Variants in RBFOX1 observed in about 807,000 individuals in gnomAD.
The protein encoded by RBFOX1 is RNA binding protein fox-1 homolog 1.
Under a neutral mutation model 57.7 loss-of-function variants are expected in RBFOX1, and 8 were observed. The ratio of observed to expected loss-of-function variants is 0.14; its 90% CI spans 0.08 to 0.25. RBFOX1 has a LOEUF of 0.25. Among genes scored for constraint, RBFOX1 ranks in the 10% least tolerant of loss-of-function variants. The pLI is 1.00. For synonymous variants in RBFOX1, 326 were observed against 222.4 expected, an observed-to-expected ratio of 1.47 and a Z score of -4.15; for missense variants, 611 against 548.5, an observed-to-expected ratio of 1.11 and a Z score of -1.14.
intron 1 of RBFOX1, among the ~76,000 whole-genome samples, chr16:6,220,541 C>A (rs116426679): frequency 0.022 from 3,316 of 152,262 alleles, 125 homozygotes; most frequent in African/African-American, 0.076. Context: ...ATTAATATCT[C>A]TCAGTCAGTG....
intron 3 of RBFOX1, among the ~76,000 whole-genome samples, chr16:6,666,761 A>G (rs748213661): frequency 2.6e-5 from 4 of 152,126 alleles, no homozygotes; most frequent in African/African-American, 9.7e-5. Flanking sequence ...AGTTATTGCA[A>G]CAAAACCCTC....
At chr16:6,560,013 C>A (rs562645338) in intron 2 of RBFOX1, among the ~76,000 whole-genome samples, 1 of 152,160 alleles carries the variant, frequency 6.6e-6, no homozygotes, top group East Asian at 1.9e-4. Flanking sequence ...CATTGAGTTC[C>A]CGTAAAAATC....
chr16:6,721,694 C>CT (rs961601351), intron 3 of RBFOX1: 1 of 152,012 alleles, frequency 6.6e-6, no homozygotes, highest in African/African-American at 2.4e-5. Flanking sequence ...CAGCGTTTGT[C>CT]TTTTTGTGAC....
intron 3 of RBFOX1, among the ~76,000 whole-genome samples, chr16:6,923,789 T>A (rs949265155): frequency 1.3e-5 from 2 of 152,106 alleles, no homozygotes; most frequent in African/African-American, 4.8e-5. Flanking sequence ...TGGAGTCCAA[T>A]AAAGGATTTG....
At chr16:7,231,483 C>T (rs2093489289) in intron 4 of RBFOX1, among the ~76,000 whole-genome samples, 1 of 152,126 alleles carries the variant, frequency 6.6e-6, no homozygotes, top group Non-Finnish European at 1.5e-5. Context: ...AAGGCAGTTC[C>T]TCGGGAAGTT....
At chr16:7,682,457 G>C (rs1172621407) in intron 14 of RBFOX1, among the ~76,000 whole-genome samples, 1 of 150,468 alleles carries the variant, frequency 6.6e-6, no homozygotes, top group Non-Finnish European at 1.5e-5. Context: ...TTGAGTCTAG[G>C]CTGTGGAATC....
intron 4 of RBFOX1, among the ~76,000 whole-genome samples, chr16:7,430,475 C>T (rs1048406068): frequency 3.3e-5 from 5 of 152,020 alleles, no homozygotes; most frequent in Admixed American, 1.3e-4. Flanking sequence ...TCCTGGCTAA[C>T]AAGGTGAAAC....
At chr16:6,775,828 C>T (rs1333900659) in intron 3 of RBFOX1, 1 of 152,176 alleles carries the variant, frequency 6.6e-6, no homozygotes, top group Non-Finnish European at 1.5e-5. Flanking sequence ...ATCCATGTGT[C>T]TTATGAAAAT....
chr16:6,258,355 A>T (rs1235283112), intron 1 of RBFOX1, among the ~76,000 whole-genome samples: 1 of 152,194 alleles, frequency 6.6e-6, no homozygotes, highest in Non-Finnish European at 1.5e-5. Context: ...ATTTGAGATC[A>T]TATCATTTAC....
intron 7 of RBFOX1, 63 bp from the exon 8 acceptor site, chr16:7,595,486 C>T: frequency 1.6e-6 from 2 of 1,281,180 alleles, no homozygotes; most frequent in African/African-American, 1.5e-5. Context: ...AGAACATTAC[C>T]AAGTGGTCGT....
At chr16:5,451,311 A>G (rs1466505564) in intron 1 of RBFOX1, among the ~76,000 whole-genome samples, 2 of 152,060 alleles carry the variant, frequency 1.3e-5, no homozygotes, top group African/African-American at 2.4e-5. Context: ...CCTCTCAGAG[A>G]GCGATGATTT....
chr16:6,066,222 G>C (rs983219201), intron 1 of RBFOX1, among the ~76,000 whole-genome samples: 17 of 148,038 alleles, frequency 1.1e-4, no homozygotes, highest in African/African-American at 4.1e-4. Flanking sequence ...TGAACTGGGG[G>C]GGTTGGAGGT....
chr16:6,402,793 T>G (rs2093128623), intron 2 of RBFOX1, among the ~76,000 whole-genome samples: 1 of 152,216 alleles, frequency 6.6e-6, no homozygotes, highest in Admixed American at 6.5e-5. Flanking sequence ...CTGCCTTTGA[T>G]TTAGACTGTA....
In RBFOX1 at chr16:5,947,501, T is replaced by C. The variant is rs983875870; in HGVS notation, c.351+80166T>C. On this transcript the variant is annotated intron_variant, in intron 4 of 19. Coordinates refer to the RBFOX1 transcript ENST00000641259. This position sits in a 1 kb window ranked among gnomAD's most constrained non-coding sequence, Gnocchi z 7.2. ...TCCTGCCTCTGCCAGTTTTTAAAAT[T>C]TTTAGAGACAGGGGTCTCTGTATGT... Among the ~76,000 whole-genome samples, 1 of 152,126 alleles carries C rather than the reference T, an allele frequency of 6.6e-6. No homozygotes were observed. Among genetic ancestry groups the C allele is most frequent in the Non-Finnish European group, 1.5e-5 (1 of 68,032 alleles).
At chr16:5,544,277 C>T (rs1287523236) in intron 2 of RBFOX1, among the ~76,000 whole-genome samples, 1 of 152,140 alleles carries the variant, frequency 6.6e-6, no homozygotes, top group African/African-American at 2.4e-5. Flanking sequence ...ACAGAAGGAA[C>T]TCTGGGAAAT....
chr16:6,408,544 A>G (rs1445619076), intron 2 of RBFOX1, among the ~76,000 whole-genome samples: 1 of 152,154 alleles, frequency 6.6e-6, no homozygotes, highest in Non-Finnish European at 1.5e-5. Context: ...TTGACTTTTC[A>G]GAGCGTTATT....
In RBFOX1 at chr16:5,651,757, GGTTA is replaced by G. The variant is rs150917664; in HGVS notation, c.318+52797_318+52800del. Among the ~76,000 whole-genome samples the G allele has an allele frequency of 9.2e-3, 1,407 of 152,196 alleles. 18 individuals carry two copies. The highest frequency in any genetic ancestry group is 0.031 in the African/African-American group (1,301 of 41,502). On this transcript the variant is annotated intron_variant, in intron 3 of 19. Transcript: ENST00000641259. ...CTGTTAGATTTGCATGAGGAGTTCT[GGTTA>G]CATAATTTCTTCTGAACAATATTGT...
intron 3 of RBFOX1, among the ~76,000 whole-genome samples, chr16:6,907,671 A>T (rs562244603): frequency 6.6e-6 from 1 of 152,268 alleles, no homozygotes; most frequent in Non-Finnish European, 1.5e-5. Context: ...CCTGGGTTCA[A>T]GCAATTCTCC....
chr16:7,257,427 A>T (rs1387137500), intron 4 of RBFOX1, among the ~76,000 whole-genome samples: 1 of 152,098 alleles, frequency 6.6e-6, no homozygotes, highest in Non-Finnish European at 1.5e-5. Flanking sequence ...GGGAAAATGT[A>T]CTGATTGCAA....
Sources: allele counts gnomAD v4.1 joint callset (sites outside exome capture counted in the v4.1 genomes callset), GRCh38; gene constraint gnomAD v4.1.1; non-coding constraint Gnocchi (gnomAD v3.1); transcripts MANE v1.5; gene names NCBI Gene and HGNC (gene_info 2026-07-23, HGNC 2026-07-21).